Variants in RNF207 observed in about 807,000 individuals in gnomAD.
The protein encoded by RNF207 is ring finger protein 207.
RNF207 carries 72 observed loss-of-function variants against 79.0 expected under a neutral mutation model. The ratio of observed to expected loss-of-function variants is 0.91; its 90% CI spans 0.75 to 1.11. The LOEUF is 1.11. Ranked by LOEUF, RNF207 falls within the 50% of genes least tolerant of loss-of-function variation. The pLI is 0.00. For missense variants in RNF207, 936 were observed against 855.8 expected, an observed-to-expected ratio of 1.09 and a Z score of -1.17; for synonymous variants, 348 against 366.2, an observed-to-expected ratio of 0.95 and a Z score of 0.57.
chr1:6,206,515 C>T (rs1480062841), intron 1 of RNF207, 21 bp from the exon 2 acceptor site: 1 of 1,530,034 alleles, frequency 6.5e-7, no homozygotes. Flanking sequence ...CCCCAGCCGC[C>T]CGCTTGCGCT....
rs1668540651 is a variant in RNF207 at position 6,221,245 on chromosome 1, T to C, written c.*1838T>C. The C allele has an allele frequency of 6.6e-6, 1 of 152,608 alleles. No individual in the cohort carries two copies. The highest frequency in any genetic ancestry group is 2.4e-5 in the African/African-American group (1 of 41,448). The allele number at this position is 152,608 out of a possible 1,614,324, so 9.5% of individuals were successfully genotyped here. On this transcript the variant is annotated 3_prime_UTR_variant, in exon 18 of 18. Coordinates refer to ENST00000377939, the MANE Select transcript of RNF207 (RefSeq NM_207396.3). ...TAAGAACTGGAAAGAATAATCAGTATCTGTGAAAGAAAATCCAATTTAGAA... is the reference window on the plus strand; with the variant it reads ...TAAGAACTGGAAAGAATAATCAGTACCTGTGAAAGAAAATCCAATTTAGAA...
At position 6,211,087 on chromosome 1, in the gene RNF207, C is replaced by T. The variant is rs1415483270; in HGVS notation, c.1078C>T (p.Arg360Trp). 5.0e-6 allele frequency: 8 copies of T among 1,602,434 alleles called. No individual in the cohort carries two copies. Among genetic ancestry groups the T allele is most frequent in the African/African-American group, 4.0e-5 (3 of 74,852 alleles). ...LEPLLLLGPR[R>W]VAAAASGANT... ...GCCACTGCTGCTGCTGGGGCCACGT[C>T]GGGTGGCAGCTGCTGCAAGTGGTGC... is the stretch of plus-strand genomic sequence containing the variant. Residue 360 changes from arginine to tryptophan, a missense_variant, in exon 12 of 18, where the codon CGG (arginine) becomes TGG (tryptophan). Physicochemically the swap from Arg to Trp is moderately radical, Grantham distance 101. Coordinates refer to ENST00000377939, the MANE Select transcript of RNF207 (RefSeq NM_207396.3). The surrounding 1 kb of genome is among the most constrained non-coding windows in gnomAD (Gnocchi z 4.2).
At position 6,221,174 on chromosome 1, in the gene RNF207, C is replaced by T. The variant is rs1451321250; in HGVS notation, c.*1767C>T. 6.6e-6 allele frequency: 1 copy of T among 152,540 alleles called. No homozygotes were observed. The highest frequency in any genetic ancestry group is 2.4e-5 in the African/African-American group (1 of 41,432). The allele number at this position is 152,540 out of a possible 1,614,324, so 9.4% of individuals were successfully genotyped here. On this transcript the variant is annotated 3_prime_UTR_variant, in exon 18 of 18. Transcript: ENST00000377939. ...AAGAGTGACCTCAGAGTTTCACATC[C>T]CAGACAATCACACTGTGGTTGAGTG...
chr1:6,219,351 A>G lies in RNF207; in HGVS notation c.1849A>G (p.Arg617Gly), dbSNP rs1668472148. ...EPLLKNMDHH[R>G]SKQKNGGDVP... ...TCTACTGAAAAATATGGATCATCAC[A>G]GATCCAAACAGAAAAATGGGGGCGA... The change falls in exon 18 of 18, where the codon AGA (arginine) becomes GGA (glycine). Residue 617 changes from arginine (R) to glycine (G), a missense_variant. Coordinates refer to ENST00000377939, the MANE Select transcript of RNF207 (RefSeq NM_207396.3). 1.2e-6 allele frequency: 2 copies of G among 1,612,280 alleles called. No individual in the cohort carries two copies. Among genetic ancestry groups the G allele is most frequent in the African/African-American group, 2.7e-5 (2 of 74,858 alleles).
chr1:6,211,111 G>T lies in RNF207; in HGVS notation c.1102G>T (p.Ala368Ser). 1 of 1,590,244 alleles carries T rather than the reference G, an allele frequency of 6.3e-7. No homozygotes were observed. Among genetic ancestry groups the T allele is most frequent in the East Asian group, 2.3e-5 (1 of 44,396 alleles). ...TCGGGTGGCAGCTGCTGCAAGTGGTGCTAACACGTGAGCAGCAACCGGGGA... is the reference window on the plus strand; with the variant it reads ...TCGGGTGGCAGCTGCTGCAAGTGGTTCTAACACGTGAGCAGCAACCGGGGA... Reference protein sequence around the residue: ...PRRVAAAASGANTLAGGLGPK... With the variant: ...PRRVAAAASGSNTLAGGLGPK... The change falls in exon 12 of 18, where the codon GCT becomes TCT. Residue 368 changes from alanine to serine, a missense_variant. Physicochemically the swap from Ala to Ser is moderately conservative, Grantham distance 99. Transcript: ENST00000377939. This position sits in a 1 kb window ranked among gnomAD's most constrained non-coding sequence, Gnocchi z 4.2.
chr1:6,216,077 A>G (rs910044280), intron 16 of RNF207, among the ~76,000 whole-genome samples: 3 of 152,158 alleles, frequency 2.0e-5, no homozygotes, highest in African/African-American at 7.2e-5. Flanking sequence ...GAGCATCTGT[A>G]TGCACACTGG....
chr1:6,208,934 C>T lies in RNF207; in HGVS notation c.378C>T (p.Arg126=), dbSNP rs142966477. 6,883 of 1,534,982 alleles carry T rather than the reference C, an allele frequency of 4.5e-3. 30 individuals are homozygous for T. The highest frequency in any genetic ancestry group is 6.8e-3 in the Middle Eastern group (40 of 5,924). The change falls in exon 4 of 18, where the codon CGC becomes CGT. Residue 126 remains arginine (R), a synonymous_variant. Coordinates refer to ENST00000377939, the MANE Select transcript of RNF207 (RefSeq NM_207396.3). ...CGTGCGGACAGCCCCTATGCGCGCG[C>T]TGCCGCGACGAGACGCACCGAGCAC... ...CNTCGQPLCA[R]CRDETHRARM... is the part of the protein sequence containing the mutation.
chr1:6,215,332 T>A (rs879469551), intron 16 of RNF207, among the ~76,000 whole-genome samples: 2 of 120,388 alleles, frequency 1.7e-5, no homozygotes, highest in Admixed American at 1.6e-4. Context: ...CCGGCCCCCC[T>A]TTTTTTTTTT....
At chr1:6,210,545 C>T (rs1179978201) in intron 10 of RNF207, 107 bp downstream of exon 10, 4 of 854,608 alleles carry the variant, frequency 4.7e-6, no homozygotes, top group Non-Finnish European at 7.4e-6. Flanking sequence ...GAGCCTGGAC[C>T]AGGGATCTCG....
chr1:6,208,948 C>A lies in RNF207; in HGVS notation c.392C>A (p.Thr131Lys). The A allele has an allele frequency of 6.5e-7, 1 of 1,535,578 alleles. No individual in the cohort carries two copies. The change falls in exon 4 of 18, where the codon ACG (threonine) becomes AAG (lysine). Residue 131 changes from threonine to lysine, a missense_variant. Thr to Lys is a moderately conservative substitution (Grantham distance 78). Transcript: ENST00000377939. ...QPLCARCRDE[T>K]HRARMFARHD... Reference sequence around the variant, plus strand: ...CTATGCGCGCGCTGCCGCGACGAGACGCACCGAGCACGCATGTTCGCGCGC... The same window carrying A: ...CTATGCGCGCGCTGCCGCGACGAGAAGCACCGAGCACGCATGTTCGCGCGC...
At chr1:6,212,488 C>A in intron 14 of RNF207, 72 bp downstream of exon 14, 1 of 1,449,144 alleles carries the variant, frequency 6.9e-7, no homozygotes, top group Non-Finnish European at 9.5e-7. Context: ...AGACAGTAAG[C>A]GGGGAAAGAG....
Position 6,210,865 on chromosome 1 carries a change from C to A in RNF207, c.943-5C>A. 6.3e-7 allele frequency: 1 copy of A among 1,595,198 alleles called. No individual in the cohort carries two copies. Among genetic ancestry groups the A allele is most frequent in the Non-Finnish European group, 8.5e-7 (1 of 1,172,114 alleles). ...ACCGGCCTGAGGCCCTCCTCACTGC[C>A]ACAGGAGCTGATGGAGAGGCTGCAG... is the stretch of plus-strand genomic sequence containing the variant. On this transcript the variant is annotated splice_region_variant and splice_polypyrimidine_tract_variant and intron_variant, in intron 10 of 17. Coordinates refer to ENST00000377939, the MANE Select transcript of RNF207 (RefSeq NM_207396.3).
intron 16 of RNF207, among the ~76,000 whole-genome samples, chr1:6,216,847 C>T (rs1329157374): frequency 2.6e-5 from 4 of 151,842 alleles, no homozygotes; most frequent in South Asian, 2.1e-4. Flanking sequence ...GGATTACAGG[C>T]GTGAGCCACT....
chr1:6,211,079 G>T lies in RNF207; in HGVS notation c.1070G>T (p.Gly357Val). The T allele has an allele frequency of 6.2e-7, 1 of 1,604,804 alleles. No individual in the cohort carries two copies. ...ARCLEPLLLL[G>V]PRRVAAAASG... ...TGTCTGGAGCCACTGCTGCTGCTGG[G>T]GCCACGTCGGGTGGCAGCTGCTGCA... The change falls in exon 12 of 18, where the codon GGG (glycine) becomes GTG (valine). Residue 357 changes from glycine (G) to valine (V), a missense_variant. Coordinates refer to ENST00000377939, the MANE Select transcript of RNF207 (RefSeq NM_207396.3). The surrounding 1 kb of genome is among the most constrained non-coding windows in gnomAD (Gnocchi z 4.2).
In RNF207 at chr1:6,217,612, C is replaced by T. The variant is rs1668402570; in HGVS notation, c.1653-677C>T. On this transcript the variant is annotated intron_variant, in intron 16 of 17. Coordinates refer to ENST00000377939, the MANE Select transcript of RNF207 (RefSeq NM_207396.3). This position sits in a 1 kb window ranked among gnomAD's most constrained non-coding sequence, Gnocchi z 4.2. Reference sequence around the variant, plus strand: ...AAAGCCTGGGAGAAAGCCTGGATTCCTTTCACCCACTTCATTTCCAACCCA... The same window carrying T: ...AAAGCCTGGGAGAAAGCCTGGATTCTTTTCACCCACTTCATTTCCAACCCA... Among the ~76,000 whole-genome samples the T allele has an allele frequency of 6.6e-6, 1 of 152,166 alleles. No homozygotes were observed. Among genetic ancestry groups the T allele is most frequent in the Admixed American group, 6.5e-5 (1 of 15,270 alleles).
rs759196448 is a variant in RNF207, at chr1:6,209,308, G to A, written c.592G>A (p.Val198Met). 5 of 1,547,646 alleles carry A rather than the reference G, an allele frequency of 3.2e-6. No homozygotes were observed. The highest frequency in any genetic ancestry group is 4.9e-5 in the East Asian group (2 of 40,958). ...AHCVDLESAYVQGCERLEQAV... is the reference protein window; with the variant it reads ...AHCVDLESAYMQGCERLEQAV... ...CTGCGTGGACCTGGAATCGGCTTAC[G>A]TGCAGGGCTGCGAGCGGCTGGAGCA... Residue 198 changes from valine to methionine, a missense_variant, in exon 6 of 18, where the codon GTG becomes ATG. Coordinates refer to ENST00000377939, the MANE Select transcript of RNF207 (RefSeq NM_207396.3).
chr1:6,220,328 G>A lies in RNF207; in HGVS notation c.*921G>A, dbSNP rs1025211307. On this transcript the variant is annotated 3_prime_UTR_variant, in exon 18 of 18. Transcript: ENST00000377939. Reference sequence around the variant, plus strand: ...CGCTAGTTCCACACCTACGCACCGAGCGTCGGTGTGCCAGGCCCTGTGCTG... The same window carrying A: ...CGCTAGTTCCACACCTACGCACCGAACGTCGGTGTGCCAGGCCCTGTGCTG... The A allele has an allele frequency of 2.0e-5, 3 of 152,250 alleles. No individual in the cohort carries two copies. The highest frequency in any genetic ancestry group is 7.2e-5 in the African/African-American group (3 of 41,450). The allele number at this position is 152,250 out of a possible 1,614,324, so 9.4% of individuals were successfully genotyped here. A position where few individuals can be genotyped will look rare whatever the true frequency, so the allele number is the denominator to read the frequency against.
At chr1:6,215,279 C>G (rs1399796192) in intron 16 of RNF207, among the ~76,000 whole-genome samples, 1 of 151,878 alleles carries the variant, frequency 6.6e-6, no homozygotes, top group Non-Finnish European at 1.5e-5. Flanking sequence ...CTGCCTGCCT[C>G]AGCTTCCCAA....
At chr1:6,218,089 GGGCCTGGCCTCTCCTGCACGCCATGCA>G (rs1194568253) in intron 16 of RNF207, among the ~76,000 whole-genome samples, 173 bp from the exon 17 acceptor site, 1 of 152,266 alleles carries the variant, frequency 6.6e-6, no homozygotes, top group Non-Finnish European at 1.5e-5. Flanking sequence ...CATGATGGCA[GGGCCTGGCCTCTCCTGCACGCCATGCA>G]GGCCTGGCCC....
Sources: gnomAD v4.1 joint callset for allele counts (sites outside exome capture counted in the v4.1 genomes callset) on GRCh38, gnomAD v4.1.1 for gene constraint, Gnocchi (gnomAD v3.1) non-coding constraint, MANE v1.5 for transcripts, NCBI Gene and HGNC (gene_info 2026-07-23, HGNC 2026-07-21) for gene names.